The following ACACA variants were observed in gnomAD, a reference collection of about 807,000 sequenced individuals.
ACACA encodes acetyl-CoA carboxylase alpha, also known as acetyl-CoA carboxylase 1.
Under a neutral mutation model 296.1 loss-of-function variants are expected in ACACA, and 103 were observed. The ratio of observed to expected loss-of-function variants is 0.35; its 90% CI spans 0.30 to 0.41. ACACA has a LOEUF of 0.41. Among genes scored for constraint, ACACA ranks in the 10% least tolerant of loss-of-function variants. The probability of loss-of-function intolerance (pLI) is 1.00; values close to 1 mark genes in which losing one functional copy is unlikely to be tolerated. For missense variants in ACACA, 1,554 were observed against 2,989.7 expected, an observed-to-expected ratio of 0.52 and a Z score of 11.20; for synonymous variants, 953 against 1,038.6, an observed-to-expected ratio of 0.92 and a Z score of 1.58.
intron 1 of ACACA, among the ~76,000 whole-genome samples, chr17:37,404,379 A>G (rs2051392997): frequency 6.6e-6 from 1 of 152,154 alleles, no homozygotes; most frequent in South Asian, 2.1e-4. Context: ...TTTATGCCTT[A>G]GAGAGCAATT....
At chr17:37,211,551 C>A (rs2078748003) in intron 29 of ACACA, among the ~76,000 whole-genome samples, 3 of 152,236 alleles carry the variant, frequency 2.0e-5, no homozygotes, top group Non-Finnish European at 2.9e-5. Context: ...AACCTTCTAA[C>A]ATTCTTTTAT....
At chr17:37,182,703 A>G (rs1280017762) in intron 39 of ACACA, among the ~76,000 whole-genome samples, 3 of 152,252 alleles carry the variant, frequency 2.0e-5, no homozygotes, top group Non-Finnish European at 4.4e-5. Flanking sequence ...GTATACCTAC[A>G]TATCTATTCA....
At chr17:37,181,082 G>A in intron 40 of ACACA, 119 bp downstream of exon 40, 1 of 1,042,454 alleles carries the variant, frequency 9.6e-7, no homozygotes, top group Non-Finnish European at 1.5e-6. Flanking sequence ...AATGAAAACA[G>A]TGTCAAGATA....
At chr17:37,089,622 A>T (rs1395439718) in intron 54 of ACACA, among the ~76,000 whole-genome samples, 1 of 152,120 alleles carries the variant, frequency 6.6e-6, no homozygotes, top group Admixed American at 6.6e-5. Context: ...AACTGATGGG[A>T]GGGAAGTCTT....
intron 1 of ACACA, among the ~76,000 whole-genome samples, chr17:37,381,526 G>A (rs988685629): frequency 4.0e-5 from 6 of 150,306 alleles, no homozygotes; most frequent in South Asian, 4.2e-4. Flanking sequence ...CTTATAGGTC[G>A]TTCCATTTCA....
rs1039677552 is a variant in ACACA, at chr17:37,338,267, T to C, written c.85+1537A>G. Among the ~76,000 whole-genome samples, 17 of 148,666 alleles carry C rather than the reference T, an allele frequency of 1.1e-4. No homozygotes were observed. In the South Asian group the frequency reaches 3.2e-3, roughly 28 times the overall value. ...AAAAGTATCATGCAACAAAAAAAAT[T>C]TGCTGTCTAAATTTACTATACATTT... On this transcript the variant is annotated intron_variant, in intron 2 of 55. Transcript: ENST00000616317.
At chr17:37,391,964 C>G in intron 1 of ACACA, 1 of 524,396 alleles carries the variant, frequency 1.9e-6, no homozygotes, top group South Asian at 3.1e-5. Context: ...TTTCCATCCC[C>G]TCAAACGAGA....
rs1053324450 is a variant in ACACA, at chr17:37,151,433, G to A, written c.5448-12C>T. The A allele has an allele frequency of 8.1e-6, 13 of 1,613,102 alleles. No individual in the cohort carries two copies. The highest frequency in any genetic ancestry group is 1.3e-5 in the African/African-American group (1 of 74,860). ...CTGTTATCTTGTACCTATTGGATAT[G>A]GCCATGTCAAATTATGAATGTTAAA... is the stretch of plus-strand genomic sequence containing the variant. On this transcript the variant is annotated splice_polypyrimidine_tract_variant and intron_variant, in intron 43 of 55. Coordinates refer to ENST00000616317, the MANE Select transcript of ACACA (RefSeq NM_198834.3).
chr17:37,085,857 A>ATGTCTT lies in ACACA; in HGVS notation c.*1453_*1458dup. ...GAACGTTCATACCACTGCTTCTCAAATGTCTTAGTGATTTCCTCCTTGGTC... is the reference window on the plus strand; with the variant it reads ...GAACGTTCATACCACTGCTTCTCAAATGTCTTTGTCTTAGTGATTTCCTCCTTGGTC... On this transcript the variant is annotated 3_prime_UTR_variant, in exon 56 of 56. Transcript: ENST00000616317. 1 of 399,106 alleles carries ATGTCTT rather than the reference A, an allele frequency of 2.5e-6. No individual in the cohort carries two copies. The highest frequency in any genetic ancestry group is 4.4e-6 in the Non-Finnish European group (1 of 226,096). The allele number at this position is 399,106 out of a possible 1,614,324, so 24.7% of individuals were successfully genotyped here.
At chr17:37,359,046 G>A (rs2049279548) in intron 1 of ACACA, 1 of 986,012 alleles carries the variant, frequency 1.0e-6, no homozygotes, top group Non-Finnish European at 1.2e-6. Flanking sequence ...GCCCCTGCGT[G>A]GAGGAACTGC....
intron 3 of ACACA, among the ~76,000 whole-genome samples, chr17:37,311,770 G>A (rs919611434): frequency 6.6e-6 from 1 of 151,852 alleles, no homozygotes; most frequent in African/African-American, 2.4e-5. Flanking sequence ...TACTCGGGAG[G>A]CTGAGGCAGG....
At chr17:37,217,479 T>TA (rs1461951638) in intron 29 of ACACA, among the ~76,000 whole-genome samples, 1 of 151,934 alleles carries the variant, frequency 6.6e-6, no homozygotes, top group East Asian at 1.9e-4. Flanking sequence ...CTCATGCCTG[T>TA]AATCCCAGCA....
At chr17:37,164,061 C>G (rs1410150232) in intron 41 of ACACA, among the ~76,000 whole-genome samples, 1 of 138,450 alleles carries the variant, frequency 7.2e-6, no homozygotes, top group Non-Finnish European at 1.5e-5. Flanking sequence ...TTCCCCCTTT[C>G]TTTCTGTCTC....
chr17:37,213,779 G>A (rs542904812), intron 29 of ACACA, among the ~76,000 whole-genome samples: 2 of 151,428 alleles, frequency 1.3e-5, no homozygotes, highest in African/African-American at 4.9e-5. Context: ...TGGCTGGAGA[G>A]CTTGCTTCAA....
At chr17:37,186,066 G>GAA (rs1555580659) in intron 39 of ACACA, among the ~76,000 whole-genome samples, 1 of 152,166 alleles carries the variant, frequency 6.6e-6, no homozygotes, top group Non-Finnish European at 1.5e-5. Context: ...ATGAATAAAT[G>GAA]ATGTGCTAGG....
chr17:37,256,315 T>TG (rs2081226447), intron 14 of ACACA, among the ~76,000 whole-genome samples: 1 of 152,194 alleles, frequency 6.6e-6, no homozygotes. Context: ...AAAGGCAACT[T>TG]CATACCAATG....
intron 54 of ACACA, among the ~76,000 whole-genome samples, chr17:37,092,535 T>G (rs2072717264): frequency 6.6e-6 from 1 of 152,218 alleles, no homozygotes; most frequent in Non-Finnish European, 1.5e-5. Flanking sequence ...CTAGTCAGCC[T>G]CACTAATTTT....
At chr17:37,227,935 C>T (rs1235748199) in intron 25 of ACACA, among the ~76,000 whole-genome samples, 1 of 151,676 alleles carries the variant, frequency 6.6e-6, no homozygotes, top group Non-Finnish European at 1.5e-5. Context: ...CCCCTACTAC[C>T]AATGGGACAT....
intron 39 of ACACA, among the ~76,000 whole-genome samples, chr17:37,187,137 C>T (rs1378382112): frequency 6.6e-6 from 1 of 152,180 alleles, no homozygotes; most frequent in Non-Finnish European, 1.5e-5. Flanking sequence ...TCACCACTCA[C>T]GCTCTTGCGC....
Sources: allele counts gnomAD v4.1 joint callset (sites outside exome capture counted in the v4.1 genomes callset), GRCh38; gene constraint gnomAD v4.1.1; transcripts MANE v1.5; gene names NCBI Gene and HGNC (gene_info 2026-07-23, HGNC 2026-07-21).